Variants in ENPP1 observed in about 807,000 individuals in gnomAD.
ENPP1 encodes ectonucleotide pyrophosphatase/phosphodiesterase family member 1.
Under a neutral mutation model 122.8 loss-of-function variants are expected in ENPP1, and 73 were observed. The ratio of observed to expected loss-of-function variants is 0.59; its 90% confidence interval spans 0.49 to 0.72. The LOEUF (loss-of-function observed/expected upper bound fraction) is 0.72. Among genes scored for constraint, ENPP1 ranks in the 30% least tolerant of loss-of-function variants. ENPP1 has a pLI of 0.00. For missense variants in ENPP1, 978 were observed against 1,128.1 expected (o/e 0.87, Z 1.91); for synonymous variants, 367 against 391.6 (o/e 0.94, Z 0.74).
intron 1 of ENPP1, among the ~76,000 whole-genome samples, chr6:131,838,943 C>G (rs574927864): frequency 1.3e-5 from 2 of 152,268 alleles, no homozygotes; most frequent in South Asian, 4.1e-4. Context: ...AAGTAATTCT[C>G]TAGCCCATGA....
chr6:131,825,361 C>T (rs1781534381), intron 1 of ENPP1, among the ~76,000 whole-genome samples: 2 of 151,988 alleles, frequency 1.3e-5, no homozygotes, highest in Non-Finnish European at 2.9e-5. Flanking sequence ...ATTTTGAGTC[C>T]GTAGATGTGT....
At chr6:131,822,902 A>G (rs922222473) in intron 1 of ENPP1, among the ~76,000 whole-genome samples, 1 of 152,166 alleles carries the variant, frequency 6.6e-6, no homozygotes, top group Non-Finnish European at 1.5e-5. Context: ...AGTTTTTCTA[A>G]AATAATAGCT....
At chr6:131,870,758 A>C (rs1367768564) in intron 13 of ENPP1, among the ~76,000 whole-genome samples, 3 of 152,200 alleles carry the variant, frequency 2.0e-5, no homozygotes, top group Admixed American at 6.5e-5. Flanking sequence ...GTAGTACATG[A>C]CTGTTATAAA....
intron 1 of ENPP1, among the ~76,000 whole-genome samples, chr6:131,841,304 C>T (rs188229392): frequency 4.6e-4 from 70 of 152,270 alleles, no homozygotes; most frequent in African/African-American, 1.6e-3. Context: ...AGACTCCCAG[C>T]ACCAGGCTGG....
chr6:131,871,939 C>T (rs1782167448), intron 13 of ENPP1, 131 bp from the exon 14 acceptor site: 2 of 731,628 alleles, frequency 2.7e-6, no homozygotes, highest in East Asian at 5.2e-5. Context: ...AATGTAATGA[C>T]TTAAATGAAC....
At chr6:131,823,566 T>A (rs1412659353) in intron 1 of ENPP1, among the ~76,000 whole-genome samples, 2 of 151,864 alleles carry the variant, frequency 1.3e-5, no homozygotes, top group African/African-American at 2.4e-5. Context: ...TTGTACAGAT[T>A]ATATCTGTTT....
intron 9 of ENPP1, among the ~76,000 whole-genome samples, chr6:131,862,967 T>TA (rs1782043047): frequency 6.6e-6 from 1 of 152,154 alleles, no homozygotes; most frequent in Non-Finnish European, 1.5e-5. Context: ...GTTTCAGAGT[T>TA]AAACTATCAA....
Position 131,890,340 on chromosome 6 carries a change from G to C in ENPP1, c.2608-1G>C. ...TTCTTTTATATTTCCTATTCTCCTA[G>C]CATGGGAAGCATGACTCCTCATGGG... On this transcript the variant is annotated splice_acceptor_variant, in intron 24 of 24. Transcript: ENST00000647893. LOFTEE classifies it high-confidence loss of function. 6.2e-7 allele frequency: 1 copy of C among 1,612,608 alleles called. No homozygotes were observed. Among genetic ancestry groups the C allele is most frequent in the Non-Finnish European group, 8.5e-7 (1 of 1,178,614 alleles).
Position 131,875,673 on chromosome 6 carries a change from A to G in ENPP1, c.1636-103A>G, listed in dbSNP as rs558630036. ...AGCGTGGTAGTTTTCCTCTTATCTT[A>G]TCATAACCAGTTTGTATATGTACAA... On this transcript the variant is annotated intron_variant, in intron 16 of 24. Coordinates refer to ENST00000647893, the MANE Select transcript of ENPP1 (RefSeq NM_006208.3). The G allele has an allele frequency of 6.1e-5, 52 of 858,926 alleles. No individual in the cohort carries two copies. The African/African-American group carries it at 7.4e-4, about 12-fold the overall frequency. 53.2% of individuals were successfully genotyped at this position (858,926 alleles called of 1,614,324 possible). A position where few individuals can be genotyped will look rare whatever the true frequency, so the allele number is the denominator to read the frequency against.
chr6:131,833,997 T>C (rs1229987145), intron 1 of ENPP1, among the ~76,000 whole-genome samples: 1 of 152,224 alleles, frequency 6.6e-6, no homozygotes, highest in African/African-American at 2.4e-5. Flanking sequence ...AGGTGTTTTC[T>C]GTCACTCTCC....
chr6:131,827,017 C>T (rs966568269), intron 1 of ENPP1: 20 of 528,360 alleles, frequency 3.8e-5, no homozygotes, highest in Admixed American at 1.3e-4. Flanking sequence ...GAATGGTCCA[C>T]ATCTTTGAGG....
intron 1 of ENPP1, among the ~76,000 whole-genome samples, chr6:131,842,216 C>G (rs1228121978): frequency 6.6e-6 from 1 of 152,164 alleles, no homozygotes; most frequent in Non-Finnish European, 1.5e-5. Flanking sequence ...ATATAAAACT[C>G]TTAGAAAAGT....
chr6:131,872,086 T>A lies in ENPP1; in HGVS notation c.1422T>A (p.Ile474=). 1 of 1,591,438 alleles carries A rather than the reference T, an allele frequency of 6.3e-7. No homozygotes were observed. The highest frequency in any genetic ancestry group is 1.1e-5 in the South Asian group (1 of 90,340). ...CCCCTCCAGTTAACTATGAAGGCAT[T>A]GCCCGAAATCTTTCTGTGAGTATCT... ...DKYYSFNYEG[I]ARNLSCREPN... The change falls in exon 14 of 25, where the codon ATT becomes ATA. Residue 474 remains isoleucine, a synonymous_variant. Coordinates refer to ENST00000647893, the MANE Select transcript of ENPP1 (RefSeq NM_006208.3).
chr6:131,879,785 T>C (rs1782277450), intron 19 of ENPP1, 95 bp from the exon 20 acceptor site: 3 of 1,126,602 alleles, frequency 2.7e-6, no homozygotes, highest in Middle Eastern at 2.2e-4. Flanking sequence ...ATCTTCAATA[T>C]AATTAAGTAG....
intron 11 of ENPP1, among the ~76,000 whole-genome samples, chr6:131,865,292 G>A (rs1299030545): frequency 6.6e-6 from 1 of 152,188 alleles, no homozygotes; most frequent in Non-Finnish European, 1.5e-5. Context: ...AGGGTAATAA[G>A]TCAAATAGCA....
intron 17 of ENPP1, among the ~76,000 whole-genome samples, chr6:131,876,352 A>G (rs1178479204): frequency 6.6e-6 from 1 of 152,206 alleles, no homozygotes; most frequent in African/African-American, 2.4e-5. Flanking sequence ...GTGTTGAAGC[A>G]TTGTGTGTTT....
At chr6:131,834,423 AG>A (rs1781648524) in intron 1 of ENPP1, among the ~76,000 whole-genome samples, 1 of 152,092 alleles carries the variant, frequency 6.6e-6, no homozygotes, top group South Asian at 2.1e-4. Flanking sequence ...TGGGGAAGTA[AG>A]GCTCCTGGGC....
At chr6:131,840,090 A>C (rs932388750) in intron 1 of ENPP1, among the ~76,000 whole-genome samples, 3 of 152,202 alleles carry the variant, frequency 2.0e-5, no homozygotes, top group African/African-American at 7.2e-5. Context: ...CTTGTACCCA[A>C]AATGCTTGAA....
At chr6:131,841,068 A>C (rs767045570) in intron 1 of ENPP1, among the ~76,000 whole-genome samples, 11 of 152,226 alleles carry the variant, frequency 7.2e-5, no homozygotes, top group Admixed American at 7.2e-4. Flanking sequence ...CTAAAATGAT[A>C]CTGAGTGCAT....
Sources: gnomAD v4.1 joint callset for allele counts (sites outside exome capture counted in the v4.1 genomes callset) on GRCh38, gnomAD v4.1.1 for gene constraint, MANE v1.5 for transcripts, NCBI Gene and HGNC (gene_info 2026-07-23, HGNC 2026-07-21) for gene names.